The following ADGRB2 variants were observed in gnomAD, a reference collection of about 807,000 sequenced individuals.
ADGRB2 encodes the protein brain-specific angiogenesis inhibitor 2.
ADGRB2 carries 47 observed loss-of-function variants against 178.7 expected under a neutral mutation model. That is an observed-to-expected ratio of 0.26 (90% confidence interval 0.21 to 0.34). The LOEUF (loss-of-function observed/expected upper bound fraction) is 0.34, where lower values mean the gene tolerates loss of function less well. ADGRB2 is among the 10% of genes least tolerant of loss of function. ADGRB2 has a pLI of 1.00. For synonymous variants in ADGRB2, 870 were observed against 912.4 expected, an observed-to-expected ratio of 0.95 and a Z score of 0.84; for missense variants, 1,584 against 2,180.8, an observed-to-expected ratio of 0.73 and a Z score of 5.45.
intron 4 of ADGRB2, among the ~76,000 whole-genome samples, chr1:31,746,852 C>T (rs1646301351): frequency 2.6e-5 from 4 of 152,188 alleles, no homozygotes; most frequent in African/African-American, 9.7e-5. Context: ...TCTCCCCTTG[C>T]GGCAGCCCAG....
chr1:31,733,669 CAG>C lies in ADGRB2; in HGVS notation c.3453-528_3453-527del, dbSNP rs1262857905. The stretch of plus-strand genomic sequence containing the variant: ...AGAGCACGAATCCTCAGGGAGAAGA[CAG>C]GGGGCCAGGACCAGTGAAGCAGAAC... On this transcript the variant is annotated intron_variant, in intron 25 of 32. Coordinates refer to ENST00000373658, the MANE Select transcript of ADGRB2 (RefSeq NM_001364857.2). This position sits in a 1 kb window ranked among gnomAD's most constrained non-coding sequence, Gnocchi z 4.3. Among the ~76,000 whole-genome samples, 1 of 152,152 alleles carries C rather than the reference CAG, an allele frequency of 6.6e-6. No individual in the cohort carries two copies. Among genetic ancestry groups the C allele is most frequent in the Non-Finnish European group, 1.5e-5 (1 of 68,030 alleles).
intron 4 of ADGRB2, among the ~76,000 whole-genome samples, chr1:31,746,680 C>T (rs772858173): frequency 2.2e-4 from 34 of 152,140 alleles, no homozygotes; most frequent in Admixed American, 7.2e-4. Flanking sequence ...ACCTCAACAT[C>T]GGGAGCCCCC....
In ADGRB2 at chr1:31,740,895, G is replaced by GCACACACACATACA. The variant is rs1553185116; in HGVS notation, c.1795-355_1795-354insTGTATGTGTGTGTG. Among the ~76,000 whole-genome samples, 50 of 140,482 alleles carry GCACACACACATACA rather than the reference G, an allele frequency of 3.6e-4. 1 individual carries two copies. In the South Asian group the frequency reaches 0.011, roughly 31 times the overall value. 92.2% of individuals were successfully genotyped at this position (140,482 alleles called of 152,430 possible). On this transcript the variant is annotated intron_variant, in intron 11 of 32. Coordinates refer to ENST00000373658, the MANE Select transcript of ADGRB2 (RefSeq NM_001364857.2). The surrounding 1 kb of genome is among the most constrained non-coding windows in gnomAD (Gnocchi z 5.9). ...AATGAGCATGTGTGTGGGCGCGCGCGCACACACACACACACACACACACAC... is the reference window on the plus strand; with the variant it reads ...AATGAGCATGTGTGTGGGCGCGCGCGCACACACACATACACACACACACACACACACACACACAC...
chr1:31,734,684 C>G (rs987735717), intron 25 of ADGRB2, among the ~76,000 whole-genome samples: 1 of 152,194 alleles, frequency 6.6e-6, no homozygotes, highest in Non-Finnish European at 1.5e-5. Context: ...AATTCTCTAC[C>G]TCTGTGATTC....
In ADGRB2 at chr1:31,728,038, C is replaced by T. The variant is rs768031611; in HGVS notation, c.4559G>A (p.Arg1520Gln). Reference protein sequence around the residue: ...WSVSSGGAAERSVCTDKPSPG... With the variant: ...WSVSSGGAAEQSVCTDKPSPG... ...GGGGGGACTCACGGTGCACACGCTC[C>T]GCTCGGCTGCCCCACCCGAGGACAC... Residue 1520 changes from arginine (R) to glutamine (Q), a missense_variant, in exon 32 of 33, where the codon CGG becomes CAG. Around this residue, in one of 3 missense-constraint regions of ADGRB2, gnomAD observed 865 missense variants for 1,192.8 expected, o/e 0.73. Coordinates refer to ENST00000373658, the MANE Select transcript of ADGRB2 (RefSeq NM_001364857.2). The surrounding 1 kb of genome is among the most constrained non-coding windows in gnomAD (Gnocchi z 6.7). 16 of 1,577,178 alleles carry T rather than the reference C, an allele frequency of 1.0e-5. No individual in the cohort carries two copies. Among genetic ancestry groups the T allele is most frequent in the East Asian group, 4.6e-5 (2 of 43,294 alleles).
chr1:31,756,364 A>G lies in ADGRB2; in HGVS notation c.473T>C (p.Val158Ala). The stretch of plus-strand genomic sequence containing the variant: ...GGGCTCAGCCGACAGGCACAGCTGC[A>G]CGAAGTTCTTGTCGAAGTGCAGGAA... ...FTFLHFDKNFVQLCLSAEPSE... is the reference protein window; with the variant it reads ...FTFLHFDKNFAQLCLSAEPSE... Residue 158 changes from valine (V) to alanine (A), a missense_variant, in exon 4 of 33, where the codon GTG (valine) becomes GCG (alanine). Physicochemically the swap from Val to Ala is moderately conservative, Grantham distance 64 (BLOSUM62 0). Around this residue, in one of 3 missense-constraint regions of ADGRB2, gnomAD observed 657 missense variants for 847.6 expected, o/e 0.78. Coordinates refer to ENST00000373658, the MANE Select transcript of ADGRB2 (RefSeq NM_001364857.2). The surrounding 1 kb of genome is among the most constrained non-coding windows in gnomAD (Gnocchi z 8.5). 6.2e-7 allele frequency: 1 copy of G among 1,613,022 alleles called. No individual in the cohort carries two copies. Among genetic ancestry groups the G allele is most frequent in the Non-Finnish European group, 8.5e-7 (1 of 1,179,964 alleles).
Position 31,730,983 on chromosome 1 carries a change from C to A in ADGRB2, c.4197G>T (p.Leu1399=). 1 of 1,566,262 alleles carries A rather than the reference C, an allele frequency of 6.4e-7. No homozygotes were observed. The highest frequency in any genetic ancestry group is 1.2e-5 in the South Asian group (1 of 84,480). Reference sequence around the variant, plus strand: ...GCCCCAGGCCCGAGTGGTCCACGGACAGGAAGCTGGGGTAGCCTTCAGTGT... The same window carrying A: ...GCCCCAGGCCCGAGTGGTCCACGGAAAGGAAGCTGGGGTAGCCTTCAGTGT... ...VAHTEGYPSF[L]SVDHSGLGLG... is the part of the protein sequence containing the mutation. The change falls in exon 29 of 33, where the codon CTG becomes CTT. Residue 1399 remains leucine, a synonymous_variant. Transcript: ENST00000373658.
chr1:31,727,852 C>T lies in ADGRB2; in HGVS notation c.4572+173G>A, dbSNP rs1344509765. 2 of 967,394 alleles carry T rather than the reference C, an allele frequency of 2.1e-6. No homozygotes were observed. The highest frequency in any genetic ancestry group is 2.6e-5 in the East Asian group (1 of 37,956). The allele number at this position is 967,394 out of a possible 1,614,324, so 59.9% of individuals were successfully genotyped here. ...CTCCCAATCCTGGAGGACCTCCACC[C>T]CTGTTCGCCATCTGCAGCACCTTCC... On this transcript the variant is annotated intron_variant, in intron 32 of 32. Coordinates refer to ENST00000373658, the MANE Select transcript of ADGRB2 (RefSeq NM_001364857.2). This position sits in a 1 kb window ranked among gnomAD's most constrained non-coding sequence, Gnocchi z 4.4.
chr1:31,736,848 C>T, intron 20 of ADGRB2, 125 bp from the exon 21 acceptor site: 1 of 1,410,028 alleles, frequency 7.1e-7, no homozygotes, highest in South Asian at 1.5e-5. Context: ...CCCCACAGAG[C>T]CCTGCCAGGC....
In ADGRB2 at chr1:31,731,035, G is replaced by A. The variant is rs1267352694; in HGVS notation, c.4145C>T (p.Pro1382Leu). The stretch of plus-strand genomic sequence containing the variant: ...GGCCACTGTCTTGGCAGCTCGCCGG[G>A]GGGTCCCCTCCGGCCGGGCCCTGGG... Reference protein sequence around the residue: ...DAPRARPEGTPRRAAKTVAHT... With the variant: ...DAPRARPEGTLRRAAKTVAHT... The change falls in exon 29 of 33, where the codon CCC becomes CTC. Residue 1382 changes from proline to leucine, a missense_variant. Coordinates refer to ENST00000373658, the MANE Select transcript of ADGRB2 (RefSeq NM_001364857.2). 6.3e-7 allele frequency: 1 copy of A among 1,587,484 alleles called. No individual in the cohort carries two copies. Among genetic ancestry groups the A allele is most frequent in the Non-Finnish European group, 8.6e-7 (1 of 1,164,500 alleles).
Position 31,757,491 on chromosome 1 carries a change from T to C in ADGRB2, c.-170A>G. 1.9e-6 allele frequency: 1 copy of C among 517,778 alleles called. No individual in the cohort carries two copies. Among genetic ancestry groups the C allele is most frequent in the South Asian group, 2.4e-5 (1 of 42,002 alleles). 32.1% of individuals were successfully genotyped at this position (517,778 alleles called of 1,614,324 possible). On this transcript the variant is annotated 5_prime_UTR_variant, in exon 2 of 33. An upstream start codon of the reference 5' UTR is lost. Coordinates refer to ENST00000373658, the MANE Select transcript of ADGRB2 (RefSeq NM_001364857.2). ...GGGCACTGTCAGTGTGGACGTCACATGTATCACTGCTGTGGATTTCCTGGT... is the reference window on the plus strand; with the variant it reads ...GGGCACTGTCAGTGTGGACGTCACACGTATCACTGCTGTGGATTTCCTGGT...
At chr1:31,734,318 G>A (rs898941157) in intron 25 of ADGRB2, among the ~76,000 whole-genome samples, 2 of 152,218 alleles carry the variant, frequency 1.3e-5, no homozygotes, top group African/African-American at 4.8e-5. Flanking sequence ...TTACAGATGA[G>A]GAAACTGGAG....
intron 18 of ADGRB2, 151 bp from the exon 19 acceptor site, chr1:31,737,906 C>T (rs1645711737): frequency 6.2e-6 from 5 of 800,220 alleles, no homozygotes; most frequent in South Asian, 1.7e-5. Flanking sequence ...AGAACAGACC[C>T]GGGTATCTAT....
intron 21 of ADGRB2, 63 bp from the exon 22 acceptor site, chr1:31,736,453 A>G: frequency 1.2e-6 from 2 of 1,607,332 alleles, no homozygotes; most frequent in African/African-American, 1.3e-5. Flanking sequence ...TTGTTCTCCC[A>G]GACTCCCATC....
Position 31,741,108 on chromosome 1 carries a change from A to G in ADGRB2, c.1794+265T>C, listed in dbSNP as rs1176337654. Among the ~76,000 whole-genome samples, 1 of 152,186 alleles carries G rather than the reference A, an allele frequency of 6.6e-6. No homozygotes were observed. The highest frequency in any genetic ancestry group is 1.5e-5 in the Non-Finnish European group (1 of 68,030). ...AGGAGGCCCCAGTCTAGCAGCACAC[A>G]CAGACACTTGGATGAGCACCTAATG... On this transcript the variant is annotated intron_variant, in intron 11 of 32. Coordinates refer to ENST00000373658, the MANE Select transcript of ADGRB2 (RefSeq NM_001364857.2). This position sits in a 1 kb window ranked among gnomAD's most constrained non-coding sequence, Gnocchi z 6.5.
chr1:31,758,521 G>T lies in ADGRB2; in HGVS notation c.-190-1010C>A, dbSNP rs1357299495. 1 of 152,788 alleles carries T rather than the reference G, an allele frequency of 6.5e-6. No homozygotes were observed. Among genetic ancestry groups the T allele is most frequent in the African/African-American group, 2.4e-5 (1 of 41,438 alleles). The allele number at this position is 152,788 out of a possible 1,614,324, so 9.5% of individuals were successfully genotyped here. ...TCAGGAGTCTAAACAGCAGGCAGAG[G>T]GGGGACAGAATTTAGAACCCCAACT... On this transcript the variant is annotated intron_variant, in intron 1 of 32. Transcript: ENST00000373658. This position sits in a 1 kb window ranked among gnomAD's most constrained non-coding sequence, Gnocchi z 4.2.
chr1:31,761,208 G>T lies in ADGRB2; in HGVS notation c.-191+2676C>A, dbSNP rs1381222530. 3.3e-5 allele frequency among the ~76,000 whole-genome samples: 5 copies of T among 152,216 alleles called. No homozygotes were observed. Among genetic ancestry groups the T allele is most frequent in the Non-Finnish European group, 7.3e-5 (5 of 68,028 alleles). ...CCACTCCCCGGTGGGACCCAGGTCC[G>T]GCCACACTACCCAGAGGACTTCCAG... is the stretch of plus-strand genomic sequence containing the variant. On this transcript the variant is annotated intron_variant, in intron 1 of 32. Coordinates refer to ENST00000373658, the MANE Select transcript of ADGRB2 (RefSeq NM_001364857.2). The surrounding 1 kb of genome is among the most constrained non-coding windows in gnomAD (Gnocchi z 4.2).
chr1:31,743,267 G>T (rs1278513426), intron 6 of ADGRB2, among the ~76,000 whole-genome samples: 1 of 151,882 alleles, frequency 6.6e-6, no homozygotes. Flanking sequence ...AGGACCAACA[G>T]GAGGGGAACC....
Position 31,738,649 on chromosome 1 carries a change from G to A in ADGRB2, c.2602-19C>T. Reference sequence around the variant, plus strand: ...TGGTCCCCTGGGGAGCAAAAGACATGAGTGCAGTCTAGGGAGGGAAGCTCA... The same window carrying A: ...TGGTCCCCTGGGGAGCAAAAGACATAAGTGCAGTCTAGGGAGGGAAGCTCA... On this transcript the variant is annotated intron_variant, in intron 16 of 32. Transcript: ENST00000373658. 6.2e-7 allele frequency: 1 copy of A among 1,612,514 alleles called. No individual in the cohort carries two copies. The highest frequency in any genetic ancestry group is 8.5e-7 in the Non-Finnish European group (1 of 1,179,322).
Sources: allele counts gnomAD v4.1 joint callset (sites outside exome capture counted in the v4.1 genomes callset), GRCh38; gene constraint gnomAD v4.1.1; regional missense constraint gnomAD v4.1.1; non-coding constraint Gnocchi (gnomAD v3.1); transcripts MANE v1.5; gene names NCBI Gene and HGNC (gene_info 2026-07-23, HGNC 2026-07-21).